The following PDE10A variants were observed in gnomAD, a reference collection of about 807,000 sequenced individuals.
The protein encoded by PDE10A is phosphodiesterase 10A, also known as cAMP and cAMP-inhibited cGMP 3',5'-cyclic phosphodiesterase 10A.
PDE10A carries 39 observed loss-of-function variants against 97.7 expected under a neutral mutation model. That is an observed-to-expected ratio of 0.40 (90% CI 0.31 to 0.52). PDE10A has a LOEUF of 0.52. PDE10A is among the 20% of genes least tolerant of loss of function. The pLI, the probability that PDE10A is intolerant of heterozygous loss-of-function variation, is 0.56. For synonymous variants in PDE10A, 371 were observed against 376.8 expected, an observed-to-expected ratio of 0.98 and a Z score of 0.18; for missense variants, 731 against 1,047.8, an observed-to-expected ratio of 0.70 and a Z score of 4.17.
At chr6:165,977,557 GT>G (rs1312040752) in intron 1 of PDE10A, among the ~76,000 whole-genome samples, 2 of 152,124 alleles carry the variant, frequency 1.3e-5, no homozygotes, top group African/African-American at 4.8e-5. Context: ...GTAAAATCTA[GT>G]TCATTTGTCA....
At chr6:165,888,648 ATTTG>A (rs1781697080) in intron 1 of PDE10A, among the ~76,000 whole-genome samples, 1 of 151,758 alleles carries the variant, frequency 6.6e-6, no homozygotes, top group Non-Finnish European at 1.5e-5. Context: ...TGGGATTTTT[ATTTG>A]TTTGTTTGTG....
chr6:165,789,695 G>A (rs1226157775), intron 1 of PDE10A, among the ~76,000 whole-genome samples: 8 of 152,210 alleles, frequency 5.3e-5, no homozygotes, highest in Admixed American at 1.3e-4. Flanking sequence ...AACAAACGCC[G>A]TGCGGTCACT....
intron 1 of PDE10A, among the ~76,000 whole-genome samples, chr6:165,564,953 T>C (rs766340070): frequency 6.6e-6 from 1 of 152,308 alleles, no homozygotes; most frequent in Admixed American, 6.5e-5. Context: ...GTTGGCAGAA[T>C]GGATTTTTTA....
intron 1 of PDE10A, among the ~76,000 whole-genome samples, chr6:165,650,992 T>C (rs1226128838): frequency 6.6e-6 from 1 of 152,180 alleles, no homozygotes; most frequent in East Asian, 1.9e-4. Context: ...CACCTCGGCC[T>C]CCCAAAGTGC....
rs927663731 is a variant in PDE10A at position 165,418,411 on chromosome 6, G to A, written c.1796+224C>T. ...TCCAAAAGGACCGCCTCCGGAAGAC[G>A]GCATTTCCAGGAGTGACGCTAAGGC... On this transcript the variant is annotated intron_variant, in intron 11 of 21. Coordinates refer to ENST00000539869, the MANE Select transcript of PDE10A (RefSeq NM_001385079.1). This position sits in a 1 kb window ranked among gnomAD's most constrained non-coding sequence, Gnocchi z 4.8. 1.3e-5 allele frequency among the ~76,000 whole-genome samples: 2 copies of A among 152,098 alleles called. No individual in the cohort carries two copies. Among genetic ancestry groups the A allele is most frequent in the African/African-American group, 2.4e-5 (1 of 41,420 alleles).
intron 5 of PDE10A, among the ~76,000 whole-genome samples, chr6:165,446,851 C>G (rs1207547140): frequency 6.6e-6 from 1 of 152,006 alleles, no homozygotes; most frequent in African/African-American, 2.4e-5. Flanking sequence ...ATCAGTGCCC[C>G]TAGAGAGAAG....
At chr6:165,770,326 A>G (rs915066478) in intron 1 of PDE10A, among the ~76,000 whole-genome samples, 1 of 152,150 alleles carries the variant, frequency 6.6e-6, no homozygotes, top group Admixed American at 6.5e-5. Context: ...AAAAAGAAAG[A>G]AAGAAGGAGA....
intron 1 of PDE10A, among the ~76,000 whole-genome samples, chr6:165,952,539 A>G (rs1783996983): frequency 6.6e-6 from 1 of 152,250 alleles, no homozygotes. Context: ...ATTCTTAAAT[A>G]TGACTACTGA....
At chr6:165,742,931 T>G (rs1354428185) in intron 1 of PDE10A, among the ~76,000 whole-genome samples, 5 of 152,206 alleles carry the variant, frequency 3.3e-5, no homozygotes, top group African/African-American at 1.2e-4. Context: ...TTGCAGCACT[T>G]GCTCAACTGA....
Position 165,388,512 on chromosome 6 carries a change from T to G in PDE10A, c.2455-59A>C. On this transcript the variant is annotated intron_variant, in intron 16 of 21. Transcript: ENST00000539869. The surrounding 1 kb of genome is among the most constrained non-coding windows in gnomAD (Gnocchi z 4.0). ...AACACAGAAACACACATGAGCAGAC[T>G]TACCGCTTACATTCATGTCACATTA... 2.1e-6 allele frequency: 3 copies of G among 1,462,322 alleles called. No homozygotes were observed. The highest frequency in any genetic ancestry group is 2.9e-6 in the Non-Finnish European group (3 of 1,046,868). The allele number at this position is 1,462,322 out of a possible 1,614,324, so 90.6% of individuals were successfully genotyped here. A position where few individuals can be genotyped will look rare whatever the true frequency, so the allele number is the denominator to read the frequency against.
rs115435874 is a variant in PDE10A, at chr6:165,797,941, T to C, written c.-615+189588A>G. 4.3e-3 allele frequency among the ~76,000 whole-genome samples: 653 copies of C among 152,304 alleles called. 3 individuals carry two copies. Among genetic ancestry groups the C allele is most frequent in the African/African-American group, 0.015 (639 of 41,560 alleles). Reference sequence around the variant, plus strand: ...ATAGAACATAATTATTCTGAGAATATAGCAGATTAGATAGAACAACAGAGT... The same window carrying C: ...ATAGAACATAATTATTCTGAGAATACAGCAGATTAGATAGAACAACAGAGT... On this transcript the variant is annotated intron_variant, in intron 1 of 19. Transcript: ENST00000366882.
intron 3 of PDE10A, among the ~76,000 whole-genome samples, chr6:165,475,824 G>A (rs1255856276): frequency 6.6e-6 from 1 of 152,146 alleles, no homozygotes; most frequent in Non-Finnish European, 1.5e-5. Context: ...TTACCATGCT[G>A]GGTTAAAAGG....
At chr6:165,536,756 C>G (rs1457857364) in intron 2 of PDE10A, among the ~76,000 whole-genome samples, 2 of 151,954 alleles carry the variant, frequency 1.3e-5, no homozygotes, top group African/African-American at 4.8e-5. Context: ...AGTGAGATAT[C>G]ATCTTACCTC....
intron 1 of PDE10A, among the ~76,000 whole-genome samples, chr6:165,626,919 G>A (rs1294132132): frequency 2.6e-5 from 4 of 152,218 alleles, no homozygotes; most frequent in Non-Finnish European, 5.9e-5. Context: ...GCTTAGTTTA[G>A]ATGTCTGTAA....
chr6:165,730,059 A>C (rs1448789663), intron 1 of PDE10A, among the ~76,000 whole-genome samples: 1 of 152,138 alleles, frequency 6.6e-6, no homozygotes, highest in Non-Finnish European at 1.5e-5. Flanking sequence ...ATATGAATAC[A>C]TATGTGTATC....
At chr6:165,821,326 C>G (rs539401267) in intron 1 of PDE10A, among the ~76,000 whole-genome samples, 1 of 152,274 alleles carries the variant, frequency 6.6e-6, no homozygotes, top group Admixed American at 6.5e-5. Flanking sequence ...CTTCCCTTTC[C>G]CCCTTCAGAA....
At chr6:165,542,860 C>A (rs960223670) in intron 2 of PDE10A, among the ~76,000 whole-genome samples, 1 of 151,878 alleles carries the variant, frequency 6.6e-6, no homozygotes, top group African/African-American at 2.4e-5. Context: ...CCTCGTGATC[C>A]GCCCGCCTCA....
intron 1 of PDE10A, among the ~76,000 whole-genome samples, chr6:165,649,081 T>C (rs917982013): frequency 1.3e-5 from 2 of 152,210 alleles, no homozygotes; most frequent in Admixed American, 1.3e-4. Flanking sequence ...GACAGGCCCG[T>C]ACCTTTCAGA....
chr6:165,835,622 G>A lies in PDE10A; in HGVS notation c.-615+151907C>T, dbSNP rs190002122. Among the ~76,000 whole-genome samples the A allele has an allele frequency of 2.9e-3, 442 of 152,298 alleles. 3 individuals are homozygous for A. The highest frequency in any genetic ancestry group is 3.6e-3 in the Non-Finnish European group (247 of 68,014). ...CAGCCCTTCCAGGGAGGGCTTTGCA[G>A]TTGGGGCAGTTTCCTTACACCCTGT... On this transcript the variant is annotated intron_variant, in intron 1 of 19. Transcript: ENST00000366882.
Sources: gnomAD v4.1 joint callset for allele counts (sites outside exome capture counted in the v4.1 genomes callset) on GRCh38, gnomAD v4.1.1 for gene constraint, Gnocchi (gnomAD v3.1) non-coding constraint, MANE v1.5 for transcripts, NCBI Gene and HGNC (gene_info 2026-07-23, HGNC 2026-07-21) for gene names.